CDH6: variants seen among roughly 807,000 people sequenced by gnomAD.
CDH6 encodes cadherin-6.
A neutral mutation model predicts 78.0 loss-of-function variants in CDH6; 31 were observed. The observed-to-expected ratio is 0.40, with a 90% confidence interval of 0.30 to 0.54. The LOEUF (loss-of-function observed/expected upper bound fraction) is 0.54, where lower values mean the gene tolerates loss of function less well. Ranked by LOEUF, CDH6 falls within the 20% of genes least tolerant of loss-of-function variation. CDH6 has a pLI of 0.56. For missense variants in CDH6, 724 were observed against 975.9 expected (o/e 0.74, Z 3.44); for synonymous variants, 376 against 368.8 (o/e 1.02, Z -0.23).
Position 31,213,329 on chromosome 5 carries a change from A to G in CDH6, c.-129+19443A>G, listed in dbSNP as rs1740770197. The stretch of plus-strand genomic sequence containing the variant: ...ACGGATGCATTTTACTGCAAGGATG[A>G]AATGCTTAAAATCAAAATTGTATCT... On this transcript the variant is annotated intron_variant, in intron 1 of 11. Transcript: ENST00000265071. 2.0e-5 allele frequency among the ~76,000 whole-genome samples: 3 copies of G among 152,214 alleles called. No homozygotes were observed. The South Asian group carries it at 6.2e-4, about 32-fold the overall frequency.
At chr5:31,273,734 G>GA (rs34127716) in intron 2 of CDH6, among the ~76,000 whole-genome samples, 7 of 152,004 alleles carry the variant, frequency 4.6e-5, no homozygotes, top group Non-Finnish European at 7.4e-5. Flanking sequence ...CAAAGGTAGA[G>GA]AAAAAAAAAT....
chr5:31,302,900 AAAAAAAGAAAGAAAG>A (rs1561066304), intron 6 of CDH6, among the ~76,000 whole-genome samples: 26 of 138,224 alleles, frequency 1.9e-4, no homozygotes, highest in African/African-American at 7.0e-4. Context: ...AGAAAGAAAG[AAAAAAAGAAAGAAAG>A]AAAGAAAGAA....
intron 1 of CDH6, among the ~76,000 whole-genome samples, chr5:31,212,557 T>C (rs2111809112): frequency 6.6e-6 from 1 of 152,294 alleles, no homozygotes; most frequent in East Asian, 1.9e-4. Context: ...TTCATTCTCA[T>C]TTGGGCTTAG....
intron 1 of CDH6, among the ~76,000 whole-genome samples, chr5:31,244,168 A>G (rs755942492): frequency 2.6e-5 from 4 of 152,222 alleles, no homozygotes; most frequent in Non-Finnish European, 4.4e-5. Context: ...AGATGTGTGT[A>G]TGATAAGGAT....
In CDH6 at chr5:31,302,794, GAGAGAGAAAGAAAGAAAGAAAGAA is replaced by G. The variant is rs1433402691; in HGVS notation, c.999+500_999+523del. Among the ~76,000 whole-genome samples the G allele has an allele frequency of 5.8e-4, 21 of 36,390 alleles. No individual in the cohort carries two copies. In the South Asian group the frequency reaches 7.8e-3, roughly 13 times the overall value. The allele number at this position is 36,390 out of a possible 152,430, so 23.9% of individuals were successfully genotyped here. On this transcript the variant is annotated intron_variant, in intron 6 of 11. Transcript: ENST00000265071. Reference sequence around the variant, plus strand: ...GAAAGAAGAAAGAGAGAGAGAGAGAGAGAGAGAAAGAAAGAAAGAAAGAAAGAAAGAAAGAAAGAAAGAAAGAAA... The same window carrying G: ...GAAAGAAGAAAGAGAGAGAGAGAGAGAGAAAGAAAGAAAGAAAGAAAGAAA...
At chr5:31,288,465 T>G (rs371460184) in intron 2 of CDH6, among the ~76,000 whole-genome samples, 1 of 152,226 alleles carries the variant, frequency 6.6e-6, no homozygotes, top group Admixed American at 6.5e-5. Context: ...CTTCCTGATA[T>G]AAACTCTACC....
At chr5:31,255,841 C>T (rs1366588958) in intron 1 of CDH6, among the ~76,000 whole-genome samples, 1 of 152,218 alleles carries the variant, frequency 6.6e-6, no homozygotes, top group Non-Finnish European at 1.5e-5. Flanking sequence ...TGCAAATAAA[C>T]TTACATAAAA....
chr5:31,213,107 A>G (rs1740760049), intron 1 of CDH6, among the ~76,000 whole-genome samples: 1 of 152,216 alleles, frequency 6.6e-6, no homozygotes, highest in African/African-American at 2.4e-5. Context: ...GGTAGAAGTT[A>G]TTTTGAATGC....
rs74292527 is a variant in CDH6, at chr5:31,308,963, A to C, written c.1253+3536A>C. On this transcript the variant is annotated intron_variant, in intron 7 of 11. Transcript: ENST00000265071. The stretch of plus-strand genomic sequence containing the variant: ...ATTAAATTTCTTATGAAGTCTATGA[A>C]TATTGAGATTTCCTTTTTGTAATTA... Among the ~76,000 whole-genome samples the C allele has an allele frequency of 3.3e-5, 5 of 152,230 alleles. No homozygotes were observed. The East Asian group carries it at 7.7e-4, about 24-fold the overall frequency.
Position 31,323,409 on chromosome 5 carries a change from G to C in CDH6, c.*101G>C, listed in dbSNP as rs758679211. 7 of 1,355,842 alleles carry C rather than the reference G, an allele frequency of 5.2e-6. No individual in the cohort carries two copies. In the Admixed American group the frequency reaches 1.3e-4, roughly 26 times the overall value. The allele number at this position is 1,355,842 out of a possible 1,614,324, so 84.0% of individuals were successfully genotyped here. A position where few individuals can be genotyped will look rare whatever the true frequency, so the allele number is the denominator to read the frequency against. ...CCGTGAAGGCTTCTCTGTTCTACCC[G>C]TTCCAAAAGCCAATGGCTGCAGTCC... On this transcript the variant is annotated 3_prime_UTR_variant, in exon 12 of 12. Coordinates refer to ENST00000265071, the MANE Select transcript of CDH6 (RefSeq NM_004932.4).
At chr5:31,322,324 C>T (rs1738494079) in intron 11 of CDH6, among the ~76,000 whole-genome samples, 1 of 150,094 alleles carries the variant, frequency 6.7e-6, no homozygotes, top group African/African-American at 2.5e-5. Flanking sequence ...ACTAATTTTA[C>T]ACTTTTCTCA....
intron 1 of CDH6, among the ~76,000 whole-genome samples, chr5:31,200,436 T>C (rs1486580064): frequency 6.6e-6 from 1 of 152,030 alleles, no homozygotes; most frequent in Non-Finnish European, 1.5e-5. Flanking sequence ...CTAAGTAAGA[T>C]AGTGTTTGTG....
chr5:31,246,582 C>A (rs542675764), intron 1 of CDH6, among the ~76,000 whole-genome samples: 2 of 152,216 alleles, frequency 1.3e-5, no homozygotes, highest in South Asian at 2.1e-4. Context: ...AGAGGCCAGG[C>A]AAAGCCACAG....
At chr5:31,199,683 G>GTATATATA (rs1369706220) in intron 1 of CDH6, among the ~76,000 whole-genome samples, 23 of 59,682 alleles carry the variant, frequency 3.9e-4, no homozygotes, top group East Asian at 1.9e-3. Context: ...GTGTGTGTGT[G>GTATATATA]TGTATATATA....
At chr5:31,257,711 C>G (rs1742094337) in intron 1 of CDH6, among the ~76,000 whole-genome samples, 1 of 152,074 alleles carries the variant, frequency 6.6e-6, no homozygotes, top group Non-Finnish European at 1.5e-5. Context: ...TCTGTCTGTG[C>G]CTTTCAGCTA....
At chr5:31,260,482 T>C (rs1298646430) in intron 1 of CDH6, among the ~76,000 whole-genome samples, 1 of 152,214 alleles carries the variant, frequency 6.6e-6, no homozygotes, top group Non-Finnish European at 1.5e-5. Flanking sequence ...CCATTTTGTT[T>C]TCTGTTCCAA....
At chr5:31,319,022 C>G (rs765497502) in intron 11 of CDH6, 4 of 199,630 alleles carry the variant, frequency 2.0e-5, no homozygotes, top group Non-Finnish European at 4.1e-5. Context: ...TAAATAAAAA[C>G]TGACAGTGTG....
At position 31,328,112 on chromosome 5, in the gene CDH6, T is replaced by C. The variant is rs1434088428; in HGVS notation, c.*4804T>C. Reference sequence around the variant, plus strand: ...GTATTTCAGACAGGACTGAGGCACTTAGCCGAGGAGCCACTGGGTTATTAG... The same window carrying C: ...GTATTTCAGACAGGACTGAGGCACTCAGCCGAGGAGCCACTGGGTTATTAG... On this transcript the variant is annotated 3_prime_UTR_variant, in exon 12 of 12. Coordinates refer to ENST00000265071, the MANE Select transcript of CDH6 (RefSeq NM_004932.4). 1 of 216,756 alleles carries C rather than the reference T, an allele frequency of 4.6e-6. No homozygotes were observed. Among genetic ancestry groups the C allele is most frequent in the East Asian group, 6.7e-5 (1 of 14,880 alleles). The allele number at this position is 216,756 out of a possible 1,614,324, so 13.4% of individuals were successfully genotyped here. A position where few individuals can be genotyped will look rare whatever the true frequency, so the allele number is the denominator to read the frequency against.
intron 2 of CDH6, among the ~76,000 whole-genome samples, chr5:31,274,049 A>G (rs1742614864): frequency 6.6e-6 from 1 of 152,240 alleles, no homozygotes; most frequent in Non-Finnish European, 1.5e-5. Context: ...TTTAAATTTA[A>G]TGCTCAGCCA....
Sources: gnomAD v4.1 joint callset for allele counts (sites outside exome capture counted in the v4.1 genomes callset) on GRCh38, gnomAD v4.1.1 for gene constraint, MANE v1.5 for transcripts, NCBI Gene and HGNC (gene_info 2026-07-23, HGNC 2026-07-21) for gene names.